PKD1L1: variants seen among roughly 807,000 people sequenced by gnomAD.
PKD1L1 encodes the protein polycystin 1 like 1, transient receptor potential channel interacting, also known as polycystin-1-like protein 1.
In PKD1L1, 236 loss-of-function variants were observed where a neutral mutation model predicts 323.4. The observed-to-expected ratio is 0.73, with a 90% CI of 0.66 to 0.81. The LOEUF (loss-of-function observed/expected upper bound fraction) is 0.81. PKD1L1 is among the 40% of genes least tolerant of loss of function. The pLI is 0.00. For synonymous variants in PKD1L1, 1,344 were observed against 1,335.0 expected (o/e 1.01, Z -0.15); for missense variants, 3,320 against 3,508.0 (o/e 0.95, Z 1.35).
At chr7:47,880,284 A>ATATATATT (rs1225214936) in intron 21 of PKD1L1, among the ~76,000 whole-genome samples, 21 of 56,772 alleles carry the variant, frequency 3.7e-4, no homozygotes, top group Non-Finnish European at 4.8e-4. Flanking sequence ...ATATATATAT[A>ATATATATT]TTTTTTTTTT....
intron 18 of PKD1L1, among the ~76,000 whole-genome samples, chr7:47,885,313 T>G (rs1323817102): frequency 6.6e-6 from 1 of 152,178 alleles, no homozygotes; most frequent in Non-Finnish European, 1.5e-5. Flanking sequence ...CTCTCCATTT[T>G]TTAAGTACCA....
rs372830145 is a variant in PKD1L1, at chr7:47,836,963, G to A, written c.5901C>T (p.Tyr1967=). The change falls in exon 37 of 57, where the codon TAC becomes TAT. Residue 1967 remains tyrosine (Y), a synonymous_variant. Coordinates refer to ENST00000289672, the MANE Select transcript of PKD1L1 (RefSeq NM_138295.5). ...CAGCAACCAGGGCAGTGAGACACGC[G>A]TAGACGCACAGCAGGGAGAAGGACA... is the stretch of plus-strand genomic sequence containing the variant. ...LTVSFSLLCV[Y]ACLTALVAAG... The A allele has an allele frequency of 9.3e-6, 15 of 1,614,080 alleles. No homozygotes were observed. The highest frequency in any genetic ancestry group is 4.4e-5 in the South Asian group (4 of 91,078).
chr7:47,800,318 C>T (rs1483935636), intron 54 of PKD1L1, among the ~76,000 whole-genome samples: 4 of 152,166 alleles, frequency 2.6e-5, no homozygotes, highest in African/African-American at 7.2e-5. Context: ...CAACAGATAC[C>T]CCTGAGGCAG....
chr7:47,925,812 C>T (rs185388494), intron 7 of PKD1L1, among the ~76,000 whole-genome samples: 13 of 152,212 alleles, frequency 8.5e-5, no homozygotes, highest in African/African-American at 2.9e-4. Flanking sequence ...AATTGTCCTA[C>T]GAAAAGAGGA....
intron 26 of PKD1L1, among the ~76,000 whole-genome samples, chr7:47,859,694 T>A (rs918394171): frequency 1.1e-4 from 16 of 151,420 alleles, no homozygotes; most frequent in Non-Finnish European, 2.2e-4. Flanking sequence ...TGGCACAATC[T>A]TGGCTCACTG....
chr7:47,842,347 C>T (rs1479893584), intron 34 of PKD1L1, among the ~76,000 whole-genome samples: 2 of 152,164 alleles, frequency 1.3e-5, no homozygotes, highest in Admixed American at 1.3e-4. Flanking sequence ...ATCCACACCC[C>T]AATCCTATTG....
rs1453212874 is a variant in PKD1L1, at chr7:47,890,542, C to A, written c.2675G>T (p.Arg892Ile). ...FLSPYPDSAFRFVHISWVSFK... is the reference protein window; with the variant it reads ...FLSPYPDSAFIFVHISWVSFK... ...CTGTGCTGAATACAGGGTCAGGTACCTGAACGCCGAGTCAGGGTAGGGGGA... is the reference window on the plus strand; with the variant it reads ...CTGTGCTGAATACAGGGTCAGGTACATGAACGCCGAGTCAGGGTAGGGGGA... Residue 892 changes from arginine to isoleucine, a missense_variant and splice_region_variant, in exon 16 of 57, where the codon AGA (arginine) becomes ATA (isoleucine). By Grantham distance (97) the Arg-to-Ile change is moderately conservative. Coordinates refer to ENST00000289672, the MANE Select transcript of PKD1L1 (RefSeq NM_138295.5). The A allele has an allele frequency of 2.5e-6, 4 of 1,613,962 alleles. No homozygotes were observed. The highest frequency in any genetic ancestry group is 3.4e-6 in the Non-Finnish European group (4 of 1,179,974).
intron 6 of PKD1L1, 41 bp downstream of exon 6, chr7:47,931,056 CTGGGGAT>C: frequency 6.4e-7 from 1 of 1,567,458 alleles, no homozygotes; most frequent in Non-Finnish European, 8.7e-7. Flanking sequence ...TGGTTCCAGA[CTGGGGAT>C]TGGAGAAGTG....
chr7:47,837,530 A>G (rs1785484629), intron 36 of PKD1L1, among the ~76,000 whole-genome samples: 1 of 152,146 alleles, frequency 6.6e-6, no homozygotes, highest in Non-Finnish European at 1.5e-5. Context: ...CAGCCTCAGG[A>G]GACCTTCTCT....
At chr7:47,854,376 A>G (rs1024970009) in intron 30 of PKD1L1, among the ~76,000 whole-genome samples, 3 of 152,142 alleles carry the variant, frequency 2.0e-5, no homozygotes, top group African/African-American at 7.2e-5. Flanking sequence ...GGTGGTTTCC[A>G]TTAGCACATT....
intron 46 of PKD1L1, chr7:47,818,256 C>T (rs766679536): frequency 1.5e-5 from 18 of 1,241,368 alleles, no homozygotes; most frequent in South Asian, 6.9e-5. Context: ...AGCCAGGGGG[C>T]ACAGAGATGC....
chr7:47,880,885 G>GGT, intron 20 of PKD1L1, 80 bp from the exon 21 acceptor site: 1 of 1,117,210 alleles, frequency 9.0e-7, no homozygotes, highest in Non-Finnish European at 1.3e-6. Context: ...TTGGAAATGA[G>GGT]TTCCACTCTT....
rs771286438 is a variant in PKD1L1, at chr7:47,854,955, G to C, written c.4786C>G (p.Gln1596Glu). The C allele has an allele frequency of 6.2e-7, 1 of 1,613,994 alleles. No individual in the cohort carries two copies. Among genetic ancestry groups the C allele is most frequent in the Non-Finnish European group, 8.5e-7 (1 of 1,179,944 alleles). The change falls in exon 30 of 57, where the codon CAG becomes GAG. Residue 1596 changes from glutamine to glutamate, a missense_variant. Coordinates refer to ENST00000289672, the MANE Select transcript of PKD1L1 (RefSeq NM_138295.5). The stretch of plus-strand genomic sequence containing the variant: ...TCAATTTCTATCTGTAGAGATTCCT[G>C]GGGGTTTTCGGAAAGCTCAGTGAAC... ...HQFTELSENPQESLQIEIEFS... is the reference protein window; with the variant it reads ...HQFTELSENPEESLQIEIEFS...
In PKD1L1 at chr7:47,943,476, C is replaced by A; in HGVS notation, c.80G>T (p.Gly27Val). The change falls in exon 2 of 57, where the codon GGT becomes GTT. Residue 27 changes from glycine (G) to valine (V), a missense_variant. Physicochemically the swap from Gly to Val is moderately radical, Grantham distance 109. Transcript: ENST00000289672. ...LQAACCLSFG[G>V]ELSVSTDKSW... ...CTTGTCAGTGCTCACAGACAGCTCA[C>A]CACCAAAGGAAAGGCAGCAGGCAGC... 1 of 1,613,280 alleles carries A rather than the reference C, an allele frequency of 6.2e-7. No individual in the cohort carries two copies. The highest frequency in any genetic ancestry group is 1.1e-5 in the South Asian group (1 of 91,076).
intron 10 of PKD1L1, among the ~76,000 whole-genome samples, 154 bp from the exon 11 acceptor site, chr7:47,905,479 G>A (rs865961811): frequency 6.6e-6 from 1 of 152,248 alleles, no homozygotes; most frequent in Non-Finnish European, 1.5e-5. Context: ...GGATGCAGCT[G>A]TGGGCACGCG....
intron 13 of PKD1L1, among the ~76,000 whole-genome samples, chr7:47,899,770 C>T (rs922753825): frequency 5.9e-5 from 9 of 152,082 alleles, no homozygotes; most frequent in East Asian, 3.9e-4. Flanking sequence ...TCCTGGCTAA[C>T]ACGGTGAAAC....
At chr7:47,789,779 TA>T (rs1786896723) in intron 56 of PKD1L1, among the ~76,000 whole-genome samples, 1 of 152,210 alleles carries the variant, frequency 6.6e-6, no homozygotes, top group Non-Finnish European at 1.5e-5. Context: ...TATAAATACA[TA>T]CAATTATCTT....
intron 56 of PKD1L1, among the ~76,000 whole-genome samples, chr7:47,782,325 G>A (rs190789322): frequency 6.6e-6 from 1 of 152,042 alleles, no homozygotes; most frequent in African/African-American, 2.4e-5. Context: ...CAAGGATGTT[G>A]GTCAAAAAAA....
upstream of PKD1L1, chr7:47,948,494 C>G (rs565509469): frequency 6.4e-7 from 1 of 1,564,890 alleles, no homozygotes; most frequent in African/African-American, 1.4e-5. Flanking sequence ...CTTCTTCCTA[C>G]ATCCTCTGGA....
Sources: allele counts gnomAD v4.1 joint callset (sites outside exome capture counted in the v4.1 genomes callset), GRCh38; gene constraint gnomAD v4.1.1; transcripts MANE v1.5; gene names NCBI Gene and HGNC (gene_info 2026-07-23, HGNC 2026-07-21).